The following ZBTB20 variants were observed in gnomAD, a reference collection of about 807,000 sequenced individuals.
ZBTB20 encodes the protein zinc finger and BTB domain containing 20, also known as zinc finger and BTB domain-containing protein 20.
In ZBTB20, 9 loss-of-function variants were observed where a neutral mutation model predicts 56.9. That is an observed-to-expected ratio of 0.16 (90% CI 0.10 to 0.28). The LOEUF is 0.28. Among genes scored for constraint, ZBTB20 ranks in the 10% least tolerant of loss-of-function variants. The probability of loss-of-function intolerance (pLI) is 1.00; values close to 1 mark genes in which losing one functional copy is unlikely to be tolerated. For synonymous variants in ZBTB20, 417 were observed against 420.7 expected (o/e 0.99, Z 0.11); for missense variants, 655 against 1,003.0 (o/e 0.65, Z 4.69).
chr3:115,128,315 T>A lies in ZBTB20; in HGVS notation c.-703+18904A>T, dbSNP rs73230611. Reference sequence around the variant, plus strand: ...GTGAAAGATATAATATCAAAGAGAATCAGTTGAGGTAGTTGTTTCTACTAG... The same window carrying A: ...GTGAAAGATATAATATCAAAGAGAAACAGTTGAGGTAGTTGTTTCTACTAG... On this transcript the variant is annotated intron_variant, in intron 1 of 11. Coordinates refer to ENST00000675478, the MANE Select transcript of ZBTB20 (RefSeq NM_001348800.3). Among the ~76,000 whole-genome samples, 1,358 of 152,240 alleles carry A rather than the reference T, an allele frequency of 8.9e-3. 14 individuals are homozygous for A. Among genetic ancestry groups the A allele is most frequent in the Non-Finnish European group, 0.014 (948 of 68,012 alleles).
chr3:114,584,526 T>TA (rs540747173), intron 6 of ZBTB20, among the ~76,000 whole-genome samples: 3,483 of 142,224 alleles, frequency 0.024, 118 homozygotes, highest in African/African-American at 0.079. Flanking sequence ...CTAACTCTGT[T>TA]AAAAAAAAAA....
chr3:115,099,798 T>C (rs780877230), intron 1 of ZBTB20, among the ~76,000 whole-genome samples: 65 of 152,116 alleles, frequency 4.3e-4, no homozygotes, highest in Middle Eastern at 3.4e-3. Flanking sequence ...ACATGATATA[T>C]AGACAGACAG....
At chr3:114,518,313 G>A (rs896216294) in intron 6 of ZBTB20, among the ~76,000 whole-genome samples, 1 of 151,788 alleles carries the variant, frequency 6.6e-6, no homozygotes, top group Non-Finnish European at 1.5e-5. Context: ...GAGGAAAGGG[G>A]CCAAAAATAG....
chr3:114,988,108 T>A (rs1286378740), intron 2 of ZBTB20, among the ~76,000 whole-genome samples: 4 of 144,980 alleles, frequency 2.8e-5, no homozygotes, highest in African/African-American at 5.5e-5. Context: ...TTTTTTTTTT[T>A]AATTATGCTT....
chr3:114,467,725 G>A (rs2092607891), intron 7 of ZBTB20, among the ~76,000 whole-genome samples: 1 of 152,176 alleles, frequency 6.6e-6, no homozygotes, highest in Admixed American at 6.5e-5. Flanking sequence ...AGTTTTTAGA[G>A]TAGTTAGCAA....
chr3:114,573,727 A>C (rs1700639792), intron 6 of ZBTB20, among the ~76,000 whole-genome samples: 1 of 152,134 alleles, frequency 6.6e-6, no homozygotes, highest in Non-Finnish European at 1.5e-5. Context: ...GGGGAAACTG[A>C]AAATCTATGT....
chr3:114,992,059 C>A (rs2078838695), intron 2 of ZBTB20, among the ~76,000 whole-genome samples: 1 of 151,826 alleles, frequency 6.6e-6, no homozygotes, highest in South Asian at 2.1e-4. Context: ...TCTCTCTCCA[C>A]CTAAACTTTT....
intron 2 of ZBTB20, among the ~76,000 whole-genome samples, chr3:115,044,280 GT>G (rs1382746300): frequency 6.6e-6 from 1 of 152,122 alleles, no homozygotes; most frequent in Non-Finnish European, 1.5e-5. Context: ...ACCAGCGTAG[GT>G]TCACCCTCTT....
intron 6 of ZBTB20, among the ~76,000 whole-genome samples, chr3:114,637,146 C>A (rs1286773508): frequency 6.6e-6 from 1 of 151,974 alleles, no homozygotes; most frequent in Non-Finnish European, 1.5e-5. Context: ...ATATAATAAT[C>A]CCCTTGATTA....
At chr3:114,579,346 TA>T (rs1223503007) in intron 6 of ZBTB20, among the ~76,000 whole-genome samples, 1 of 151,640 alleles carries the variant, frequency 6.6e-6, no homozygotes, top group African/African-American at 2.4e-5. Context: ...CCTCAAGGGC[TA>T]AAAATAAAAC....
intron 6 of ZBTB20, among the ~76,000 whole-genome samples, chr3:114,616,917 G>A (rs975431828): frequency 1.3e-5 from 2 of 152,136 alleles, no homozygotes; most frequent in African/African-American, 4.8e-5. Flanking sequence ...CAGCCCAAAG[G>A]TTATTAAATT....
chr3:114,934,869 C>T (rs561089467), intron 3 of ZBTB20, among the ~76,000 whole-genome samples: 3 of 152,176 alleles, frequency 2.0e-5, no homozygotes, highest in African/African-American at 7.2e-5. Flanking sequence ...TTCAAAATTT[C>T]TTCAGTTTTA....
chr3:114,729,804 C>T (rs2065592917), intron 5 of ZBTB20, among the ~76,000 whole-genome samples: 2 of 151,480 alleles, frequency 1.3e-5, no homozygotes, highest in Non-Finnish European at 2.9e-5. Flanking sequence ...ATTTTCTTTT[C>T]TTTTAATTTT....
chr3:114,603,202 G>C (rs1008483930), intron 6 of ZBTB20, among the ~76,000 whole-genome samples: 2 of 151,856 alleles, frequency 1.3e-5, no homozygotes, highest in African/African-American at 2.4e-5. Context: ...AACTTAAAGG[G>C]GTGAACATGG....
intron 3 of ZBTB20, among the ~76,000 whole-genome samples, chr3:114,932,195 G>T (rs1304462773): frequency 6.6e-6 from 1 of 152,166 alleles, no homozygotes; most frequent in African/African-American, 2.4e-5. Context: ...TCAGATGTAG[G>T]GTTATGGATC....
At chr3:114,482,946 T>A (rs1432203529) in intron 7 of ZBTB20, among the ~76,000 whole-genome samples, 1 of 152,210 alleles carries the variant, frequency 6.6e-6, no homozygotes, top group African/African-American at 2.4e-5. Flanking sequence ...GTATGCTTTA[T>A]ACTATAGACC....
chr3:114,672,139 C>T (rs2061390466), intron 6 of ZBTB20, among the ~76,000 whole-genome samples: 1 of 152,082 alleles, frequency 6.6e-6, no homozygotes, highest in Admixed American at 6.6e-5. Flanking sequence ...AATGAAATTA[C>T]CTCAAATGGA....
intron 6 of ZBTB20, among the ~76,000 whole-genome samples, chr3:114,579,611 A>C (rs2054440081): frequency 6.6e-6 from 1 of 151,620 alleles, no homozygotes; most frequent in African/African-American, 2.4e-5. Context: ...GACTACAAAT[A>C]AATAATAAAG....
intron 6 of ZBTB20, among the ~76,000 whole-genome samples, chr3:114,555,074 C>T (rs1215007822): frequency 1.3e-5 from 2 of 152,070 alleles, no homozygotes; most frequent in African/African-American, 4.8e-5. Flanking sequence ...TGACAAAGGC[C>T]TGGACTTTTC....
Sources: gnomAD v4.1 joint callset for allele counts (sites outside exome capture counted in the v4.1 genomes callset) on GRCh38, gnomAD v4.1.1 for gene constraint, MANE v1.5 for transcripts, NCBI Gene and HGNC (gene_info 2026-07-23, HGNC 2026-07-21) for gene names.